The following TNRC6A variants were observed in gnomAD, a reference collection of about 807,000 sequenced individuals.
TNRC6A encodes trinucleotide repeat-containing gene 6A protein.
Under a neutral mutation model 221.2 loss-of-function variants are expected in TNRC6A, and 44 were observed. That is an observed-to-expected ratio of 0.20 (90% CI 0.16 to 0.26). The LOEUF (loss-of-function observed/expected upper bound fraction) is 0.26. Ranked by LOEUF, TNRC6A falls within the 10% of genes least tolerant of loss-of-function variation. The pLI is 1.00. For synonymous variants in TNRC6A, 847 were observed against 838.5 expected, an observed-to-expected ratio of 1.01 and a Z score of -0.18; for missense variants, 2,199 against 2,404.4, an observed-to-expected ratio of 0.91 and a Z score of 1.79.
At chr16:24,710,775 G>A (rs1355834338) in intron 2 of TNRC6A, among the ~76,000 whole-genome samples, 1 of 150,860 alleles carries the variant, frequency 6.6e-6, no homozygotes. Flanking sequence ...AGGCTGGTGC[G>A]ATCGTGGCTC....
At position 24,679,391 on chromosome 16, in the gene TNRC6A, C is replaced by T. The variant is rs75260068; in HGVS notation, n.402+38382C>T. ...CAATCTTGGCTCAAGGCAGCCTCGA[C>T]GTCCAGGGCTCAAGCGATCTTCCCA... On this transcript the variant is annotated intron_variant and non_coding_transcript_variant, in intron 2 of 2. Coordinates refer to the TNRC6A transcript ENST00000566108. Among the ~76,000 whole-genome samples the T allele has an allele frequency of 6.0e-4, 92 of 152,130 alleles. 1 individual carries two copies. In the East Asian group the frequency reaches 0.017, roughly 28 times the overall value.
intron 2 of TNRC6A, among the ~76,000 whole-genome samples, chr16:24,722,459 A>G (rs2056426670): frequency 6.6e-6 from 1 of 151,906 alleles, no homozygotes; most frequent in African/African-American, 2.4e-5. Flanking sequence ...ATTTTGAAAC[A>G]GAGTCTCACT....
intron 4 of TNRC6A, among the ~76,000 whole-genome samples, chr16:24,760,160 C>T (rs1019535757): frequency 6.6e-6 from 1 of 152,084 alleles, no homozygotes; most frequent in African/African-American, 2.4e-5. Flanking sequence ...TTCAATTTAT[C>T]AGCCAAAGAT....
At chr16:24,651,685 A>G (rs1432709356) in intron 2 of TNRC6A, among the ~76,000 whole-genome samples, 4 of 147,726 alleles carry the variant, frequency 2.7e-5, no homozygotes, top group Non-Finnish European at 5.9e-5. Context: ...ATAGTGAGAC[A>G]CCCCCTCCCC....
chr16:24,798,198 G>GT (rs1382963177), intron 11 of TNRC6A: 1 of 347,062 alleles, frequency 2.9e-6, no homozygotes, highest in African/African-American at 2.1e-5. Flanking sequence ...CCAAGAGGGA[G>GT]TTACTCAGAT....
intron 2 of TNRC6A, among the ~76,000 whole-genome samples, chr16:24,679,416 A>G (rs1265478928): frequency 6.6e-6 from 1 of 151,672 alleles, no homozygotes; most frequent in Non-Finnish European, 1.5e-5. Context: ...CGATCTTCCC[A>G]CCTGAGCCTA....
chr16:24,621,548 G>A (rs529117765), intron 1 of TNRC6A, among the ~76,000 whole-genome samples: 1 of 151,944 alleles, frequency 6.6e-6, no homozygotes, highest in South Asian at 2.1e-4. Context: ...AGTAAAGGCG[G>A]GGTTTCATCG....
At chr16:24,782,538 C>T (rs924838983) in intron 5 of TNRC6A, among the ~76,000 whole-genome samples, 2 of 152,102 alleles carry the variant, frequency 1.3e-5, no homozygotes, top group Non-Finnish European at 1.5e-5. Flanking sequence ...AACCCCTGAA[C>T]CAAAGGCAAG....
intron 5 of TNRC6A, among the ~76,000 whole-genome samples, chr16:24,785,656 T>A (rs2057951209): frequency 6.6e-6 from 1 of 152,220 alleles, no homozygotes; most frequent in Non-Finnish European, 1.5e-5. Flanking sequence ...TGACAAGTAT[T>A]TTTGTCTTTT....
chr16:24,745,161 G>A (rs974840812), intron 2 of TNRC6A, among the ~76,000 whole-genome samples: 1 of 152,094 alleles, frequency 6.6e-6, no homozygotes, highest in Admixed American at 6.5e-5. Context: ...TAAAAAATAT[G>A]CAAAACTTCA....
chr16:24,751,141 G>A (rs922565409), intron 3 of TNRC6A, among the ~76,000 whole-genome samples: 1 of 152,144 alleles, frequency 6.6e-6, no homozygotes, highest in Non-Finnish European at 1.5e-5. Flanking sequence ...GAGAGTATTT[G>A]AAATCTCACT....
chr16:24,770,236 G>A (rs1478746327), intron 4 of TNRC6A, among the ~76,000 whole-genome samples: 1 of 152,234 alleles, frequency 6.6e-6, no homozygotes, highest in Non-Finnish European at 1.5e-5. Context: ...AGAGAATGCA[G>A]TGAGTGTGGA....
At chr16:24,681,491 A>C (rs1354291873) in intron 2 of TNRC6A, among the ~76,000 whole-genome samples, 2 of 152,160 alleles carry the variant, frequency 1.3e-5, no homozygotes, top group Non-Finnish European at 2.9e-5. Context: ...GCCTCCCAGA[A>C]TGCTAGGATT....
intron 4 of TNRC6A, among the ~76,000 whole-genome samples, chr16:24,766,105 A>T (rs1473447544): frequency 6.6e-6 from 1 of 152,226 alleles, no homozygotes; most frequent in African/African-American, 2.4e-5. Flanking sequence ...ATCGGTACTT[A>T]GCCCTTTATT....
At chr16:24,797,678 G>A in intron 10 of TNRC6A, 108 bp downstream of exon 10, 1 of 1,035,718 alleles carries the variant, frequency 9.7e-7, no homozygotes, top group Non-Finnish European at 1.4e-6. Context: ...CCTTAGGAAT[G>A]TACTTGATGT....
chr16:24,671,799 A>G (rs1374232091), intron 2 of TNRC6A, among the ~76,000 whole-genome samples: 1 of 152,144 alleles, frequency 6.6e-6, no homozygotes, highest in African/African-American at 2.4e-5. Context: ...TGCTTGAGCC[A>G]AGGACTTCAA....
chr16:24,665,498 A>G (rs1017324349), intron 2 of TNRC6A, among the ~76,000 whole-genome samples: 1 of 152,114 alleles, frequency 6.6e-6, no homozygotes, highest in South Asian at 2.1e-4. Context: ...CAGGGTCAAG[A>G]CCCACTGCTC....
intron 2 of TNRC6A, among the ~76,000 whole-genome samples, chr16:24,667,257 C>T (rs111556734): frequency 0.023 from 3,547 of 152,180 alleles, 140 homozygotes; most frequent in African/African-American, 0.08. Context: ...GCTCTGCTGA[C>T]CTTGGCTGGG....
In TNRC6A at chr16:24,811,699, T is replaced by C. The variant is rs74015708; in HGVS notation, c.4672+2218T>C. 2.0e-3 allele frequency among the ~76,000 whole-genome samples: 303 copies of C among 152,000 alleles called. 1 individual carries two copies. Among genetic ancestry groups the C allele is most frequent in the African/African-American group, 7.1e-3 (296 of 41,448 alleles). On this transcript the variant is annotated intron_variant, in intron 18 of 24. Transcript: ENST00000395799. ...ATGCCTCTGGGTGCAGTGTGGAGAA[T>C]TGGAGTAGATCTAGTATAGTCATTA...
Sources: gnomAD v4.1 joint callset for allele counts (sites outside exome capture counted in the v4.1 genomes callset) on GRCh38, gnomAD v4.1.1 for gene constraint, MANE v1.5 for transcripts, NCBI Gene and HGNC (gene_info 2026-07-23, HGNC 2026-07-21) for gene names.